Variants in SLC28A1 observed in about 807,000 individuals in gnomAD.
SLC28A1 encodes the protein solute carrier family 28 member 1.
SLC28A1 carries 64 observed loss-of-function variants against 74.8 expected under a neutral mutation model. The ratio of observed to expected loss-of-function variants is 0.86; its 90% confidence interval spans 0.70 to 1.05. The LOEUF is 1.05. Among genes scored for constraint, SLC28A1 ranks in the 50% least tolerant of loss-of-function variants. The probability of loss-of-function intolerance (pLI) is 0.00; values close to 1 mark genes in which losing one functional copy is unlikely to be tolerated. For missense variants in SLC28A1, 828 were observed against 822.8 expected (o/e 1.01, Z -0.08); for synonymous variants, 359 against 335.0 (o/e 1.07, Z -0.78).
At chr15:84,913,500 C>A (rs1310105946) in intron 9 of SLC28A1, among the ~76,000 whole-genome samples, 1 of 152,190 alleles carries the variant, frequency 6.6e-6, no homozygotes, top group Non-Finnish European at 1.5e-5. Flanking sequence ...AGTGTGGTGT[C>A]CAGGTCAGCT....
chr15:84,908,618 A>G, intron 8 of SLC28A1, 100 bp from the exon 9 acceptor site: 2 of 962,376 alleles, frequency 2.1e-6, no homozygotes, highest in Non-Finnish European at 1.6e-6. Context: ...TGGGGGGACT[A>G]CGTCCCTGGG....
At chr15:84,971,716 C>G in the SLC28A1 span, among the ~76,000 whole-genome samples, 1 of 150,042 alleles carries the variant, frequency 6.7e-6, no homozygotes, top group African/African-American at 2.4e-5. Context: ...CTGGCACGAT[C>G]TCAGCTCACT....
chr15:84,911,977 T>C (rs1596284717), intron 9 of SLC28A1, among the ~76,000 whole-genome samples: 2 of 152,228 alleles, frequency 1.3e-5, no homozygotes, highest in East Asian at 3.9e-4. Context: ...GGTTTATCAT[T>C]AACCAGCCTC....
Position 84,900,646 on chromosome 15 carries a change from A to G in SLC28A1, c.462-3451A>G, listed in dbSNP as rs190164001. 4.6e-5 allele frequency among the ~76,000 whole-genome samples: 7 copies of G among 152,184 alleles called. No homozygotes were observed. The East Asian group carries it at 1.4e-3, about 29-fold the overall frequency. On this transcript the variant is annotated intron_variant, in intron 6 of 18. Coordinates refer to ENST00000394573, the MANE Select transcript of SLC28A1 (RefSeq NM_004213.5). ...AGACCCCATCTCTACAAAAAAATAG[A>G]TAAATAAATTAGCCAGGTATGGTGG...
intron 12 of SLC28A1, among the ~76,000 whole-genome samples, chr15:84,931,928 G>A (rs1482648615): frequency 1.3e-5 from 2 of 152,032 alleles, no homozygotes; most frequent in Non-Finnish European, 2.9e-5. Context: ...CTTAAACCCA[G>A]GAGGCGGAGG....
At position 84,932,475 on chromosome 15, in the gene SLC28A1, C is replaced by T. The variant is rs139173060; in HGVS notation, c.1084-670C>T. ...TCCCAGAAGGAGACTGAGGGTCAAA[C>T]GGTGGCTGTCATAGAGGCAGATTTC... On this transcript the variant is annotated intron_variant, in intron 12 of 18. Transcript: ENST00000394573. Among the ~76,000 whole-genome samples the T allele has an allele frequency of 6.4e-3, 970 of 152,266 alleles. 24 individuals carry two copies. The highest frequency in any genetic ancestry group is 0.042 in the Admixed American group (635 of 15,290).
At chr15:84,906,504 G>GTTTCTTTCTTTCTTTCTTTC (rs1567139474) in intron 8 of SLC28A1, among the ~76,000 whole-genome samples, 2 of 10,652 alleles carry the variant, frequency 1.9e-4, no homozygotes, top group Non-Finnish European at 5.1e-4. Context: ...AACATGGTTT[G>GTTTCTTTCTTTCTTTCTTTC]TTTGTTTGTT....
intron 18 of SLC28A1, 69 bp downstream of exon 18, chr15:84,944,936 G>T (rs1245353509): frequency 9.9e-6 from 12 of 1,217,480 alleles, no homozygotes; most frequent in African/African-American, 1.5e-5. Flanking sequence ...GCGCTGGGGG[G>T]GATGCCTTTG....
intron 12 of SLC28A1, among the ~76,000 whole-genome samples, chr15:84,928,523 G>A (rs7181067): frequency 2.5e-5 from 1 of 39,800 alleles, no homozygotes; most frequent in African/African-American, 1.2e-4. Flanking sequence ...TCCCAGGTTC[G>A]TTCGTTCTTT....
At chr15:84,930,670 T>C (rs1469171709) in intron 12 of SLC28A1, among the ~76,000 whole-genome samples, 2 of 139,852 alleles carry the variant, frequency 1.4e-5, no homozygotes, top group African/African-American at 2.8e-5. Context: ...CGGGCTGGAG[T>C]GCTCAGCTCA....
At chr15:84,974,797 C>T in the SLC28A1 span, among the ~76,000 whole-genome samples, 1 of 151,748 alleles carries the variant, frequency 6.6e-6, no homozygotes, top group Non-Finnish European at 1.5e-5. Context: ...GTTGGGGAGT[C>T]GGGGATTGTG....
At chr15:84,928,558 CTT>C (rs1970801458) in intron 12 of SLC28A1, among the ~76,000 whole-genome samples, 1 of 23,880 alleles carries the variant, frequency 4.2e-5, no homozygotes, top group African/African-American at 3.4e-4. Context: ...TTCTTTCTTT[CTT>C]TCTTTCTTTC....
rs1237152859 is a variant in SLC28A1, at chr15:84,904,149, A to C, written c.514A>C (p.Thr172Pro). ...LGLVLWLSLD[T>P]SQRPEQLVSF... is the part of the protein sequence containing the mutation. ...CCTGGTCCTGTGGCTGTCTCTGGAC[A>C]CCTCCCAGCGGCCTGAGCAACTGGT... The change falls in exon 7 of 19, where the codon ACC becomes CCC. Residue 172 changes from threonine to proline, a missense_variant. Thr to Pro is a conservative substitution (Grantham distance 38). Transcript: ENST00000394573. 1 of 1,614,032 alleles carries C rather than the reference A, an allele frequency of 6.2e-7. No homozygotes were observed. The highest frequency in any genetic ancestry group is 2.2e-5 in the East Asian group (1 of 44,866).
At chr15:84,965,275 T>A in the SLC28A1 span, among the ~76,000 whole-genome samples, 4 of 152,290 alleles carry the variant, frequency 2.6e-5, no homozygotes, top group African/African-American at 4.8e-5. Flanking sequence ...CCTTCTGCCA[T>A]GATTGTAAGT....
chr15:84,955,206 T>G, the SLC28A1 span, among the ~76,000 whole-genome samples: 65 of 152,278 alleles, frequency 4.3e-4, no homozygotes, highest in Middle Eastern at 0.01. Flanking sequence ...TCTTCCCCAC[T>G]GAGGCCTCAG....
chr15:84,908,633 C>A, intron 8 of SLC28A1, 85 bp from the exon 9 acceptor site: 1 of 1,197,930 alleles, frequency 8.3e-7, no homozygotes, highest in East Asian at 2.3e-5. Context: ...CCTGGGCCAA[C>A]CCGCCTGTCT....
intron 6 of SLC28A1, chr15:84,895,697 G>T: frequency 7.2e-7 from 1 of 1,387,660 alleles, no homozygotes; most frequent in Non-Finnish European, 9.3e-7. Flanking sequence ...ATTTCACCAG[G>T]CAGCTCTAAA....
At chr15:84,905,734 G>C (rs1284792309) in intron 8 of SLC28A1, 82 bp downstream of exon 8, 2 of 1,052,018 alleles carry the variant, frequency 1.9e-6, no homozygotes, top group African/African-American at 1.6e-5. Context: ...GGGAAAAGTG[G>C]GTGGTGAGGC....
chr15:84,905,115 T>A, intron 7 of SLC28A1, among the ~76,000 whole-genome samples: 1 of 152,274 alleles, frequency 6.6e-6, no homozygotes, highest in East Asian at 1.9e-4. Context: ...TCGAGGCGGC[T>A]GGGAGTCCAG....
Sources: gnomAD v4.1 joint callset for allele counts (sites outside exome capture counted in the v4.1 genomes callset) on GRCh38, gnomAD v4.1.1 for gene constraint, MANE v1.5 for transcripts, NCBI Gene and HGNC (gene_info 2026-07-23, HGNC 2026-07-21) for gene names.